The following ANK2 variants were observed in gnomAD, a reference collection of about 807,000 sequenced individuals.
ANK2 encodes ankyrin-2.
ANK2 carries 83 observed loss-of-function variants against 360.5 expected under a neutral mutation model. That is an observed-to-expected ratio of 0.23 (90% CI 0.19 to 0.28). The LOEUF is 0.28. ANK2 is among the 10% of genes least tolerant of loss of function. The pLI, the probability that ANK2 is intolerant of heterozygous loss-of-function variation, is 1.00. For missense variants in ANK2, 4,201 were observed against 4,795.7 expected, an observed-to-expected ratio of 0.88 and a Z score of 3.66; for synonymous variants, 1,740 against 1,759.5, an observed-to-expected ratio of 0.99 and a Z score of 0.28.
Position 113,088,479 on chromosome 4 carries a change from G to A in ANK2, c.84+38667G>A, listed in dbSNP as rs75566189. 8.9e-3 allele frequency among the ~76,000 whole-genome samples: 1,353 copies of A among 152,250 alleles called. 39 individuals carry two copies. The East Asian group carries it at 0.1, about 12-fold the overall frequency. On this transcript the variant is annotated intron_variant, in intron 1 of 45. Transcript: ENST00000357077. Reference sequence around the variant, plus strand: ...CCTATATAAAGTGGACATTTCCAGAGCACTCCATTACCAACAATTGGCCTC... The same window carrying A: ...CCTATATAAAGTGGACATTTCCAGAACACTCCATTACCAACAATTGGCCTC...
chr4:113,341,627 A>G (rs2094313364), intron 32 of ANK2, 61 bp from the exon 33 acceptor site: 1 of 1,555,816 alleles, frequency 6.4e-7, no homozygotes, highest in South Asian at 1.1e-5. Flanking sequence ...GAAGGAACTG[A>G]TTTTATTTTT....
intron 1 of ANK2, among the ~76,000 whole-genome samples, chr4:112,857,550 G>A (rs1433166453): frequency 2.0e-5 from 3 of 152,098 alleles, no homozygotes; most frequent in Non-Finnish European, 1.5e-5. Context: ...GAGCATACTT[G>A]CCCAGAATTC....
intron 2 of ANK2, chr4:113,034,708 C>T (rs1233323781): frequency 6.6e-6 from 1 of 151,942 alleles, no homozygotes; most frequent in Non-Finnish European, 1.5e-5. Flanking sequence ...TTAATGACAT[C>T]CTTCTCTTTT....
At chr4:112,814,955 A>G (rs1021736763), upstream of ANK2, among the ~76,000 whole-genome samples, 29 of 152,276 alleles carry the variant, frequency 1.9e-4, no homozygotes, top group African/African-American at 6.7e-4. Flanking sequence ...TTAAATTGCC[A>G]GTTAATTTTA....
rs868171358 is a variant in ANK2, at chr4:113,066,451, A to G, written c.84+16639A>G. Among the ~76,000 whole-genome samples, 18 of 152,344 alleles carry G rather than the reference A, an allele frequency of 1.2e-4. No homozygotes were observed. The South Asian group carries it at 3.7e-3, about 32-fold the overall frequency. ...CAAGATACAAAAATGACAGAGACAT[A>G]TTCCTTGGTCTCAAGAAGTTCACGG... On this transcript the variant is annotated intron_variant, in intron 1 of 45. Coordinates refer to ENST00000357077, the MANE Select transcript of ANK2 (RefSeq NM_001148.6).
At chr4:112,828,809 T>C (rs1270289211) in intron 1 of ANK2, among the ~76,000 whole-genome samples, 4 of 152,112 alleles carry the variant, frequency 2.6e-5, no homozygotes, top group African/African-American at 9.7e-5. Context: ...ACGTCTAATA[T>C]CCGGAATCTA....
intron 4 of ANK2, among the ~76,000 whole-genome samples, chr4:113,208,265 C>T (rs891260869): frequency 3.3e-5 from 5 of 151,834 alleles, no homozygotes; most frequent in Admixed American, 6.6e-5. Context: ...TTGTCATGAT[C>T]TACTCCATAT....
chr4:113,128,214 T>C (rs1424773554), intron 1 of ANK2, among the ~76,000 whole-genome samples: 1 of 152,212 alleles, frequency 6.6e-6, no homozygotes, highest in Non-Finnish European at 1.5e-5. Context: ...AATTCAAATC[T>C]TAGCTCTACC....
At chr4:113,333,005 C>G (rs2153941179) in intron 28 of ANK2, 49 bp from the exon 29 acceptor site, 1 of 1,612,906 alleles carries the variant, frequency 6.2e-7, no homozygotes, top group Non-Finnish European at 8.5e-7. Context: ...GCTTGTCTTG[C>G]TGTTAGTTAG....
chr4:113,381,011 T>G (rs2097153800), intron 45 of ANK2, among the ~76,000 whole-genome samples: 1 of 152,146 alleles, frequency 6.6e-6, no homozygotes, highest in Non-Finnish European at 1.5e-5. Context: ...GACTGTAAGG[T>G]TTAAGCTGGC....
At chr4:113,207,769 C>A (rs998869467) in intron 4 of ANK2, among the ~76,000 whole-genome samples, 1 of 150,786 alleles carries the variant, frequency 6.6e-6, no homozygotes, top group Non-Finnish European at 1.5e-5. Flanking sequence ...AGTAATAATT[C>A]ACGCACTCAC....
intron 1 of ANK2, among the ~76,000 whole-genome samples, chr4:112,853,366 CT>C (rs796472445): frequency 8.1e-4 from 118 of 146,264 alleles, no homozygotes; most frequent in Middle Eastern, 3.6e-3. Flanking sequence ...CATGCCCGGC[CT>C]TTTTTTTTTT....
chr4:112,745,835 A>G, the ANK2 span, among the ~76,000 whole-genome samples: 1 of 151,906 alleles, frequency 6.6e-6, no homozygotes, highest in African/African-American at 2.4e-5. Flanking sequence ...GCCCGGCCCC[A>G]ATTACTAGAT....
intron 4 of ANK2, among the ~76,000 whole-genome samples, chr4:113,205,655 A>G (rs1333856450): frequency 6.6e-6 from 1 of 152,136 alleles, no homozygotes; most frequent in Non-Finnish European, 1.5e-5. Context: ...AGATTATATC[A>G]CCATTGGTTA....
At chr4:113,177,034 T>C (rs967854270) in intron 2 of ANK2, among the ~76,000 whole-genome samples, 1 of 152,216 alleles carries the variant, frequency 6.6e-6, no homozygotes, top group African/African-American at 2.4e-5. Flanking sequence ...CTATCATTGA[T>C]GGACATTTGG....
chr4:113,348,659 T>C (rs748009118), intron 36 of ANK2, among the ~76,000 whole-genome samples: 1 of 152,140 alleles, frequency 6.6e-6, no homozygotes, highest in African/African-American at 2.4e-5. Flanking sequence ...TTTAATTAAA[T>C]GTCTTAGTAC....
intron 26 of ANK2, among the ~76,000 whole-genome samples, chr4:113,326,373 T>C (rs2089923125): frequency 6.6e-6 from 1 of 152,190 alleles, no homozygotes; most frequent in Non-Finnish European, 1.5e-5. Flanking sequence ...TCCTGTTCCT[T>C]CTTATTTAAA....
At chr4:113,200,081 A>G (rs2098808356) in intron 4 of ANK2, among the ~76,000 whole-genome samples, 1 of 152,198 alleles carries the variant, frequency 6.6e-6, no homozygotes, top group African/African-American at 2.4e-5. Context: ...TATGATAGAT[A>G]AGACATTATT....
At chr4:113,111,819 C>T (rs2094327392) in intron 1 of ANK2, among the ~76,000 whole-genome samples, 1 of 152,158 alleles carries the variant, frequency 6.6e-6, no homozygotes. Flanking sequence ...GATTTTGAAG[C>T]AGCTTTCTAT....
Sources: gnomAD v4.1 joint callset for allele counts (sites outside exome capture counted in the v4.1 genomes callset) on GRCh38, gnomAD v4.1.1 for gene constraint, MANE v1.5 for transcripts, NCBI Gene and HGNC (gene_info 2026-07-23, HGNC 2026-07-21) for gene names.